Variants in TMTC3 observed in about 807,000 individuals in gnomAD.
TMTC3 encodes the protein protein O-mannosyl-transferase TMTC3.
In TMTC3, 52 loss-of-function variants were observed where a neutral mutation model predicts 92.2. The observed-to-expected ratio is 0.56, with a 90% CI of 0.45 to 0.71. TMTC3 has a LOEUF of 0.71. Ranked by LOEUF, TMTC3 falls within the 30% of genes least tolerant of loss-of-function variation. The pLI is 0.00. For missense variants in TMTC3, 896 were observed against 1,057.1 expected (o/e 0.85, Z 2.11); for synonymous variants, 339 against 363.3 (o/e 0.93, Z 0.76).
At chr12:88,161,457 A>G (rs2041078599) in intron 6 of TMTC3, among the ~76,000 whole-genome samples, 1 of 152,000 alleles carries the variant, frequency 6.6e-6, no homozygotes, top group African/African-American at 2.4e-5. Context: ...TATAAAGAGG[A>G]TTTCTTGTAG....
chr12:88,189,093 A>AT, intron 11 of TMTC3, 147 bp downstream of exon 11: 2 of 549,674 alleles, frequency 3.6e-6, no homozygotes, highest in South Asian at 2.5e-5. Context: ...TAGCTTACTT[A>AT]ATTTTTTTTT....
chr12:88,182,043 G>A (rs543829199), intron 10 of TMTC3, among the ~76,000 whole-genome samples: 3 of 152,312 alleles, frequency 2.0e-5, no homozygotes, highest in East Asian at 3.9e-4. Flanking sequence ...ATATTGCTTC[G>A]AGTTGCTTTT....
intron 8 of TMTC3, among the ~76,000 whole-genome samples, chr12:88,174,339 A>AT (rs1425162003): frequency 6.6e-6 from 1 of 152,014 alleles, no homozygotes; most frequent in Non-Finnish European, 1.5e-5. Flanking sequence ...GGTTTTTTCC[A>AT]TTTTTTATCA....
intron 10 of TMTC3, among the ~76,000 whole-genome samples, chr12:88,188,057 C>G (rs1045447845): frequency 6.6e-5 from 10 of 152,102 alleles, no homozygotes; most frequent in Admixed American, 4.6e-4. Flanking sequence ...AAGTTCCTGA[C>G]ATTCTAAAAT....
At chr12:88,173,291 A>G (rs2041225132) in intron 8 of TMTC3, among the ~76,000 whole-genome samples, 1 of 152,020 alleles carries the variant, frequency 6.6e-6, no homozygotes, top group South Asian at 2.1e-4. Flanking sequence ...ATGCTGTGGC[A>G]CTAAAATTAT....
intron 1 of TMTC3, 25 bp from the exon 2 acceptor site, chr12:88,148,263 T>G (rs2040899661): frequency 6.9e-7 from 1 of 1,451,472 alleles, no homozygotes; most frequent in Admixed American, 1.9e-5. Flanking sequence ...TGTTCCTTAT[T>G]TTATCTTCAT....
At chr12:88,176,157 G>A in intron 9 of TMTC3, 51 bp from the exon 10 acceptor site, 1 of 1,200,806 alleles carries the variant, frequency 8.3e-7, no homozygotes, top group Non-Finnish European at 1.2e-6. Flanking sequence ...TGTATGAACT[G>A]GAGTCATTTT....
intron 4 of TMTC3, among the ~76,000 whole-genome samples, chr12:88,154,820 A>G (rs2040986227): frequency 6.6e-6 from 1 of 152,186 alleles, no homozygotes; most frequent in South Asian, 2.1e-4. Context: ...ATAGCTATTT[A>G]TTGAGCTCCT....
At chr12:88,174,166 A>C (rs966117418) in intron 8 of TMTC3, among the ~76,000 whole-genome samples, 3 of 152,094 alleles carry the variant, frequency 2.0e-5, no homozygotes, top group Non-Finnish European at 4.4e-5. Flanking sequence ...ACAATAGAGA[A>C]ATAAACCAAA....
At chr12:88,163,921 G>A (rs1336944213) in intron 6 of TMTC3, among the ~76,000 whole-genome samples, 1 of 152,104 alleles carries the variant, frequency 6.6e-6, no homozygotes, top group Non-Finnish European at 1.5e-5. Flanking sequence ...AATCAGGCCA[G>A]GTGTGGTGGC....
intron 10 of TMTC3, among the ~76,000 whole-genome samples, chr12:88,183,222 G>C (rs896126391): frequency 1.3e-5 from 2 of 152,140 alleles, no homozygotes; most frequent in South Asian, 2.1e-4. Context: ...AGCCATGTCA[G>C]GGGGAGGAGA....
chr12:88,153,027 T>C (rs1260619545), intron 2 of TMTC3, among the ~76,000 whole-genome samples: 1 of 152,172 alleles, frequency 6.6e-6, no homozygotes, highest in African/African-American at 2.4e-5. Context: ...AGGAATTAAT[T>C]GTCAAATGTC....
At chr12:88,158,075 A>G (rs1481475019) in intron 4 of TMTC3, among the ~76,000 whole-genome samples, 2 of 152,262 alleles carry the variant, frequency 1.3e-5, no homozygotes, top group South Asian at 4.1e-4. Context: ...TACCTCTACA[A>G]TTCTTTCCTC....
At chr12:88,153,792 C>T (rs560203856) in intron 3 of TMTC3, among the ~76,000 whole-genome samples, 11 of 151,542 alleles carry the variant, frequency 7.3e-5, no homozygotes, top group South Asian at 4.2e-4. Context: ...TACAGTTCTT[C>T]GGTCACTTTT....
At chr12:88,156,811 G>GTGTTT (rs533189653) in intron 4 of TMTC3, among the ~76,000 whole-genome samples, 2 of 136,756 alleles carry the variant, frequency 1.5e-5, no homozygotes, top group African/African-American at 2.7e-5. Context: ...GTGTGTGTGT[G>GTGTTT]TTTTTTTTTT....
At chr12:88,143,412 C>T (rs2040805714) in intron 1 of TMTC3, among the ~76,000 whole-genome samples, 1 of 152,120 alleles carries the variant, frequency 6.6e-6, no homozygotes, top group South Asian at 2.1e-4. Flanking sequence ...GTTTATTCTT[C>T]CTTACAATCC....
rs1565936989 is a variant in TMTC3 at position 88,142,398 on chromosome 12, T to C, written c.-118T>C. ...CTGCAAACTGGTGGCCTGAACGAGG[T>C]AGACCATGACTGTGGTTTCAGTGGC... is the stretch of plus-strand genomic sequence containing the variant. On this transcript the variant is annotated 5_prime_UTR_variant, in exon 1 of 14. Coordinates refer to ENST00000266712, the MANE Select transcript of TMTC3 (RefSeq NM_181783.4). 2.0e-5 allele frequency: 3 copies of C among 152,434 alleles called. No homozygotes were observed. The highest frequency in any genetic ancestry group is 1.9e-4 in the East Asian group (1 of 5,144). 9.4% of individuals were successfully genotyped at this position (152,434 alleles called of 1,614,324 possible).
At chr12:88,153,098 C>T in intron 2 of TMTC3, among the ~76,000 whole-genome samples, 193 bp from the exon 3 acceptor site, 1 of 151,864 alleles carries the variant, frequency 6.6e-6, no homozygotes, top group East Asian at 1.9e-4. Context: ...TGTTTGTGGC[C>T]TAAGGAAATA....
In TMTC3 at chr12:88,199,756, G is replaced by GTTCT. The variant is rs1174147216; in HGVS notation, c.*4114_*4117dup. On this transcript the variant is annotated 3_prime_UTR_variant, in exon 14 of 14. Coordinates refer to ENST00000266712, the MANE Select transcript of TMTC3 (RefSeq NM_181783.4). ...GAAGACTGGATCCAGGCAAATTCAT[G>GTTCT]TTCTTTCTTTGTAACTCACTTTCTT... The GTTCT allele has an allele frequency of 4.6e-5, 7 of 152,202 alleles. No individual in the cohort carries two copies. Among genetic ancestry groups the GTTCT allele is most frequent in the African/African-American group, 1.7e-4 (7 of 41,470 alleles). 9.4% of individuals were successfully genotyped at this position (152,202 alleles called of 1,614,324 possible). A position where few individuals can be genotyped will look rare whatever the true frequency, so the allele number is the denominator to read the frequency against.
Sources: allele counts gnomAD v4.1 joint callset (sites outside exome capture counted in the v4.1 genomes callset), GRCh38; gene constraint gnomAD v4.1.1; transcripts MANE v1.5; gene names NCBI Gene and HGNC (gene_info 2026-07-23, HGNC 2026-07-21).